Variants in MYO1B observed in about 807,000 individuals in gnomAD.
The protein encoded by MYO1B is unconventional myosin-Ib.
In MYO1B, 72 loss-of-function variants were observed where a neutral mutation model predicts 159.7. The ratio of observed to expected loss-of-function variants is 0.45; its 90% confidence interval spans 0.37 to 0.55. The LOEUF (loss-of-function observed/expected upper bound fraction) is 0.55, where lower values mean the gene tolerates loss of function less well. Ranked by LOEUF, MYO1B falls within the 20% of genes least tolerant of loss-of-function variation. The pLI, the probability that MYO1B is intolerant of heterozygous loss-of-function variation, is 0.00. For missense variants in MYO1B, 1,062 were observed against 1,364.8 expected (o/e 0.78, Z 3.50); for synonymous variants, 468 against 473.8 (o/e 0.99, Z 0.16).
intron 3 of MYO1B, among the ~76,000 whole-genome samples, chr2:191,320,778 A>G (rs1024784116): frequency 2.0e-5 from 3 of 152,132 alleles, no homozygotes; most frequent in Non-Finnish European, 2.9e-5. Flanking sequence ...TGAGGCTTCA[A>G]GCACAAACCA....
chr2:191,295,867 G>A (rs1326418370), intron 2 of MYO1B, among the ~76,000 whole-genome samples: 1 of 152,064 alleles, frequency 6.6e-6, no homozygotes, highest in Non-Finnish European at 1.5e-5. Flanking sequence ...AATTAGTTCA[G>A]AGATATACTT....
At chr2:191,299,931 T>C (rs1054408295) in intron 3 of MYO1B, among the ~76,000 whole-genome samples, 8 of 152,242 alleles carry the variant, frequency 5.3e-5, no homozygotes, top group African/African-American at 1.9e-4. Context: ...AAGCTATTTC[T>C]ATTAACAATG....
At chr2:191,296,291 T>A in intron 3 of MYO1B, 65 bp downstream of exon 3, 1 of 765,926 alleles carries the variant, frequency 1.3e-6, no homozygotes, top group Non-Finnish European at 1.9e-6. Context: ...GACAGATGTG[T>A]GCAGCTGTCT....
chr2:191,306,813 T>C (rs13015653), intron 3 of MYO1B, among the ~76,000 whole-genome samples: 54,247 of 151,884 alleles, frequency 0.36, 10,158 homozygotes, highest in Middle Eastern at 0.52. Flanking sequence ...TGGGAAGCAG[T>C]AGTGGGTACC....
At chr2:191,306,229 T>C (rs1289101965) in intron 3 of MYO1B, among the ~76,000 whole-genome samples, 1 of 152,084 alleles carries the variant, frequency 6.6e-6, no homozygotes, top group Non-Finnish European at 1.5e-5. Flanking sequence ...TTCAGTATCA[T>C]CGTCTAGGGG....
At chr2:191,402,312 AAG>A (rs1431193796) in intron 23 of MYO1B, 3 of 342,814 alleles carry the variant, frequency 8.8e-6, no homozygotes, top group Non-Finnish European at 1.6e-5. Flanking sequence ...ATGGGAGTGA[AAG>A]AGTGTGGAGA....
intron 13 of MYO1B, chr2:191,371,063 C>T (rs1309697787): frequency 6.6e-6 from 1 of 152,128 alleles, no homozygotes; most frequent in Non-Finnish European, 1.5e-5. Flanking sequence ...TTTTTGCCCC[C>T]TTGCTAACTT....
At chr2:191,409,281 A>G in intron 26 of MYO1B, 103 bp downstream of exon 26, 1 of 1,293,932 alleles carries the variant, frequency 7.7e-7, no homozygotes, top group Non-Finnish European at 1.1e-6. Flanking sequence ...CCTTTGCCTC[A>G]AAGAGGATTA....
At chr2:191,376,082 T>A (rs1694694187) in intron 13 of MYO1B, among the ~76,000 whole-genome samples, 1 of 152,210 alleles carries the variant, frequency 6.6e-6, no homozygotes, top group Non-Finnish European at 1.5e-5. Flanking sequence ...TTCTTCCAGG[T>A]ATAAAAAGTT....
chr2:191,387,476 C>G (rs1300671891), intron 17 of MYO1B, 26 bp downstream of exon 17: 5 of 1,596,490 alleles, frequency 3.1e-6, no homozygotes, highest in Non-Finnish European at 4.3e-6. Flanking sequence ...GAAACTTTCA[C>G]AGTTCAAATG....
intron 30 of MYO1B, among the ~76,000 whole-genome samples, chr2:191,417,665 C>A (rs534676948): frequency 6.6e-6 from 1 of 152,292 alleles, no homozygotes; most frequent in East Asian, 1.9e-4. Flanking sequence ...TTAAGCATTT[C>A]CCAAACCGGG....
chr2:191,248,723 G>A (rs1685937494), intron 1 of MYO1B, among the ~76,000 whole-genome samples: 1 of 152,210 alleles, frequency 6.6e-6, no homozygotes, highest in African/African-American at 2.4e-5. Context: ...CTGTGCTTGT[G>A]TAGCTAACTA....
chr2:191,377,777 T>C (rs1694799849), intron 13 of MYO1B: 1 of 152,246 alleles, frequency 6.6e-6, no homozygotes, highest in African/African-American at 2.4e-5. Context: ...TTTAATCATA[T>C]GTGCAGTCCC....
At chr2:191,282,632 G>A (rs904241456) in intron 2 of MYO1B, among the ~76,000 whole-genome samples, 5 of 152,204 alleles carry the variant, frequency 3.3e-5, no homozygotes, top group Non-Finnish European at 4.4e-5. Flanking sequence ...AGAATGATGT[G>A]TAATCTTCAA....
At chr2:191,318,345 G>T (rs1690486189) in intron 3 of MYO1B, among the ~76,000 whole-genome samples, 1 of 152,182 alleles carries the variant, frequency 6.6e-6, no homozygotes, top group South Asian at 2.1e-4. Context: ...TTCTGTATGA[G>T]TGTATCTTGC....
intron 7 of MYO1B, among the ~76,000 whole-genome samples, chr2:191,354,622 C>A (rs558300665): frequency 6.6e-6 from 1 of 152,048 alleles, no homozygotes; most frequent in Non-Finnish European, 1.5e-5. Context: ...GACAACCCCC[C>A]GCCCCCTACA....
intron 10 of MYO1B, 122 bp downstream of exon 10, chr2:191,363,997 C>G: frequency 7.5e-7 from 1 of 1,327,502 alleles, no homozygotes; most frequent in Non-Finnish European, 1.1e-6. Flanking sequence ...TCTAATGAAA[C>G]TGAGCAGAAA....
intron 7 of MYO1B, among the ~76,000 whole-genome samples, chr2:191,354,192 T>C (rs533226911): frequency 6.6e-6 from 1 of 151,618 alleles, no homozygotes; most frequent in Non-Finnish European, 1.5e-5. Flanking sequence ...GGAGGCAGAG[T>C]TTGCAGTGAG....
intron 3 of MYO1B, among the ~76,000 whole-genome samples, chr2:191,323,242 A>G (rs1690845481): frequency 6.6e-6 from 1 of 151,918 alleles, no homozygotes; most frequent in Admixed American, 6.6e-5. Context: ...TTAACCACAT[A>G]CTATTTTATC....
Sources: allele counts gnomAD v4.1 joint callset (sites outside exome capture counted in the v4.1 genomes callset), GRCh38; gene constraint gnomAD v4.1.1; transcripts MANE v1.5; gene names NCBI Gene and HGNC (gene_info 2026-07-23, HGNC 2026-07-21).